Variants in POLK observed in about 807,000 individuals in gnomAD.
POLK encodes the protein DNA polymerase kappa.
In POLK, 76 loss-of-function variants were observed where a neutral mutation model predicts 94.0. That is an observed-to-expected ratio of 0.81 (90% CI 0.67 to 0.98). POLK has a LOEUF of 0.98. Among genes scored for constraint, POLK ranks in the 50% least tolerant of loss-of-function variants. POLK has a pLI of 0.00. For missense variants in POLK, 954 were observed against 1,010.1 expected (o/e 0.94, Z 0.75); for synonymous variants, 349 against 325.4 (o/e 1.07, Z -0.78).
downstream of POLK, among the ~76,000 whole-genome samples, chr5:75,604,962 C>G (rs955052012): frequency 7.2e-5 from 11 of 152,126 alleles, no homozygotes; most frequent in African/African-American, 2.7e-4. Flanking sequence ...GTTCCCCTTA[C>G]CAGTACGAGG....
intron 1 of POLK, among the ~76,000 whole-genome samples, chr5:75,529,301 C>G (rs997078011): frequency 6.6e-6 from 1 of 152,020 alleles, no homozygotes; most frequent in African/African-American, 2.4e-5. Context: ...TTTTTAACAA[C>G]CAGATCTCTT....
At chr5:75,553,489 T>C (rs1180790136) in intron 3 of POLK, among the ~76,000 whole-genome samples, 1 of 152,220 alleles carries the variant, frequency 6.6e-6, no homozygotes, top group Non-Finnish European at 1.5e-5. Context: ...ACATATGCCT[T>C]CTCAGAGCAC....
In POLK at chr5:75,583,210, CTTTT is replaced by C. The variant is rs374986939; in HGVS notation, c.935-77_935-74del. 1.2e-4 allele frequency: 127 copies of C among 1,021,132 alleles called. No homozygotes were observed. The African/African-American group carries it at 1.6e-3, about 13-fold the overall frequency. The allele number at this position is 1,021,132 out of a possible 1,614,324, so 63.3% of individuals were successfully genotyped here. ...ATCATTTGAGATTTTTTGCAATTAA[CTTTT>C]TTTTTCTGTTTTGTTATTGCATATT... On this transcript the variant is annotated intron_variant, in intron 7 of 14. Coordinates refer to ENST00000241436, the Ensembl canonical transcript of POLK.
intron 1 of POLK, among the ~76,000 whole-genome samples, chr5:75,532,046 C>G (rs1473730880): frequency 6.6e-6 from 1 of 152,146 alleles, no homozygotes; most frequent in African/African-American, 2.4e-5. Context: ...ATAAGAACAT[C>G]TAAGATGGAA....
At chr5:75,524,328 G>C (rs1239249325) in intron 1 of POLK, among the ~76,000 whole-genome samples, 3 of 151,992 alleles carry the variant, frequency 2.0e-5, no homozygotes, top group African/African-American at 7.3e-5. Flanking sequence ...AATACTTGTG[G>C]GTTGAATGAC....
At chr5:75,602,250 C>G (rs1428562184), downstream of POLK, among the ~76,000 whole-genome samples, 1 of 152,154 alleles carries the variant, frequency 6.6e-6, no homozygotes, top group Non-Finnish European at 1.5e-5. Flanking sequence ...GTCTCAAGAC[C>G]CCAGGGGTGT....
intron 10 of POLK, among the ~76,000 whole-genome samples, chr5:75,589,776 C>T (rs943433982): frequency 2.0e-5 from 3 of 152,168 alleles, no homozygotes; most frequent in Admixed American, 6.5e-5. Context: ...GTATTATCCT[C>T]TTTTAAGTTA....
Position 75,579,359 on chromosome 5 carries a change from A to AT in POLK, c.695-1840dup, listed in dbSNP as rs933948416. 8.1e-3 allele frequency among the ~76,000 whole-genome samples: 1,204 copies of AT among 148,974 alleles called. 17 individuals are homozygous for AT. Among genetic ancestry groups the AT allele is most frequent in the African/African-American group, 0.028 (1,129 of 40,644 alleles). ...CCATTTCAATTGTTTCACAGTCTTT[A>AT]TTTTTTTTTTATTTTTTTTTATTTT... is the stretch of plus-strand genomic sequence containing the variant. On this transcript the variant is annotated intron_variant, in intron 6 of 14. Coordinates refer to ENST00000241436, the Ensembl canonical transcript of POLK.
At chr5:75,566,786 G>T (rs1377491438) in intron 3 of POLK, among the ~76,000 whole-genome samples, 1 of 152,170 alleles carries the variant, frequency 6.6e-6, no homozygotes, top group Admixed American at 6.5e-5. Context: ...GTCTCACTGG[G>T]AGCTGCAGCC....
chr5:75,536,865 C>T (rs1769469532), intron 1 of POLK, among the ~76,000 whole-genome samples: 1 of 152,212 alleles, frequency 6.6e-6, no homozygotes, highest in Non-Finnish European at 1.5e-5. Context: ...GCATTGCTTG[C>T]CTGGCTACCA....
At chr5:75,538,729 A>G (rs937505705) in intron 1 of POLK, 1 of 152,038 alleles carries the variant, frequency 6.6e-6, no homozygotes, top group African/African-American at 2.4e-5. Flanking sequence ...TTATTATCAG[A>G]TGCTTTTTAT....
intron 1 of POLK, among the ~76,000 whole-genome samples, chr5:75,521,456 A>T (rs1025993474): frequency 1.3e-5 from 2 of 151,966 alleles, no homozygotes; most frequent in African/African-American, 4.8e-5. Flanking sequence ...TTATTGTTTC[A>T]AACTCTGTTA....
intron 1 of POLK, among the ~76,000 whole-genome samples, chr5:75,545,892 T>A (rs751221015): frequency 5.3e-5 from 8 of 152,206 alleles, no homozygotes; most frequent in South Asian, 4.1e-4. Context: ...GTCAGGTTTG[T>A]TATCTTTTTG....
chr5:75,584,911 C>A lies in POLK; in HGVS notation c.1211C>A (p.Ser404Ter). 1 of 1,592,658 alleles carries A rather than the reference C, an allele frequency of 6.3e-7. No individual in the cohort carries two copies. Among genetic ancestry groups the A allele is most frequent in the South Asian group, 1.1e-5 (1 of 87,848 alleles). ...CTTCATATCTCCTTGGGTCTAGGTTCAACACACCTGACGAGGTATCTATAT... is the reference window on the plus strand; with the variant it reads ...CTTCATATCTCCTTGGGTCTAGGTTAAACACACCTGACGAGGTATCTATAT... The change falls in exon 9 of 15, where the codon TCA (serine) becomes TAA (stop). Residue 404 changes from serine to a stop codon, truncating the protein, a stop_gained. Coordinates refer to ENST00000241436, the Ensembl canonical transcript of POLK. LOFTEE classifies it high-confidence loss of function.
chr5:75,541,337 TG>T (rs1330922480), intron 1 of POLK, among the ~76,000 whole-genome samples: 1 of 152,088 alleles, frequency 6.6e-6, no homozygotes, highest in Non-Finnish European at 1.5e-5. Context: ...ACTTGGGGCT[TG>T]GGGAATTGAC....
At chr5:75,569,820 T>C (rs768248836) in intron 4 of POLK, among the ~76,000 whole-genome samples, 5 of 152,162 alleles carry the variant, frequency 3.3e-5, no homozygotes, top group Non-Finnish European at 7.3e-5. Context: ...GTCAGATCAG[T>C]TGTGGCATTA....
At chr5:75,596,397 T>C (rs755923216) in exon 13 of POLK, 2 of 1,613,806 alleles carry the variant, frequency 1.2e-6, no homozygotes, top group Non-Finnish European at 1.7e-6. Flanking sequence ...AGAGTTTCTT[T>C]GATAAAAAAC....
At chr5:75,573,337 G>A (rs1202839232) in intron 4 of POLK, among the ~76,000 whole-genome samples, 1 of 152,086 alleles carries the variant, frequency 6.6e-6, no homozygotes, top group Admixed American at 6.6e-5. Flanking sequence ...CACAGGAAGG[G>A]GAATATCACA....
chr5:75,544,703 A>G (rs1306437976), intron 1 of POLK, among the ~76,000 whole-genome samples: 2 of 152,186 alleles, frequency 1.3e-5, no homozygotes, highest in African/African-American at 4.8e-5. Flanking sequence ...CCAGAAATAT[A>G]TGGGCAAGAC....
Sources: gnomAD v4.1 joint callset for allele counts (sites outside exome capture counted in the v4.1 genomes callset) on GRCh38, gnomAD v4.1.1 for gene constraint, MANE v1.5 for transcripts, NCBI Gene and HGNC (gene_info 2026-07-23, HGNC 2026-07-21) for gene names.